The following ARPP21 variants were observed in gnomAD, a reference collection of about 807,000 sequenced individuals.
ARPP21 encodes the protein cAMP regulated phosphoprotein 21.
Under a neutral mutation model 113.2 loss-of-function variants are expected in ARPP21, and 69 were observed. The observed-to-expected ratio is 0.61, with a 90% CI of 0.50 to 0.74. The LOEUF is 0.74. Among genes scored for constraint, ARPP21 ranks in the 30% least tolerant of loss-of-function variants. ARPP21 has a pLI of 0.00. For synonymous variants in ARPP21, 368 were observed against 375.5 expected (o/e 0.98, Z 0.23); for missense variants, 1,070 against 1,037.4 (o/e 1.03, Z -0.43).
chr3:35,762,126 T>TCACACACACACA (rs371775285), intron 19 of ARPP21, among the ~76,000 whole-genome samples: 1,363 of 127,010 alleles, frequency 0.011, 35 homozygotes, highest in African/African-American at 0.034. Context: ...TCTCTCTCTC[T>TCACACACACACA]CACACACACA....
intron 1 of ARPP21, among the ~76,000 whole-genome samples, chr3:35,670,753 G>A (rs2076142307): frequency 6.6e-6 from 1 of 152,090 alleles, no homozygotes; most frequent in Non-Finnish European, 1.5e-5. Context: ...CGCAGATTCT[G>A]CTCCATCAAT....
intron 19 of ARPP21, among the ~76,000 whole-genome samples, chr3:35,758,555 G>A (rs1041731600): frequency 5.9e-5 from 9 of 151,644 alleles, no homozygotes; most frequent in Admixed American, 3.3e-4. Flanking sequence ...CAAAGGAGAC[G>A]GTTTCCTTAG....
Position 35,794,234 on chromosome 3 carries a change from A to G in ARPP21, c.*276A>G, listed in dbSNP as rs115981693. 1,746 of 443,270 alleles carry G rather than the reference A, an allele frequency of 3.9e-3. 9 individuals carry two copies. The highest frequency in any genetic ancestry group is 0.018 in the Middle Eastern group (30 of 1,656). 27.5% of individuals were successfully genotyped at this position (443,270 alleles called of 1,614,324 possible). A position where few individuals can be genotyped will look rare whatever the true frequency, so the allele number is the denominator to read the frequency against. On this transcript the variant is annotated 3_prime_UTR_variant, in exon 21 of 21. Coordinates refer to ENST00000684406, the MANE Select transcript of ARPP21 (RefSeq NM_001385562.1). ...CCTACCACTGAATACCACTGTGTAG[A>G]TTATAATATCCCTAATTTGGATTAG...
chr3:35,746,748 G>T (rs2095080938), intron 19 of ARPP21, among the ~76,000 whole-genome samples: 2 of 152,164 alleles, frequency 1.3e-5, no homozygotes, highest in Admixed American at 1.3e-4. Flanking sequence ...TCTTGGCGCT[G>T]TTCTTAATCT....
intron 19 of ARPP21, among the ~76,000 whole-genome samples, chr3:35,764,798 T>A (rs2095900923): frequency 3.9e-5 from 6 of 152,184 alleles, no homozygotes; most frequent in Admixed American, 2.6e-4. Context: ...GACACCACTT[T>A]TACTAAAAAA....
intron 18 of ARPP21, among the ~76,000 whole-genome samples, chr3:35,740,083 C>T (rs1220762037): frequency 6.6e-6 from 1 of 152,208 alleles, no homozygotes; most frequent in Non-Finnish European, 1.5e-5. Context: ...TATCCACAGT[C>T]CTTTTCTCTC....
chr3:35,692,332 T>C (rs1442174785), intron 9 of ARPP21, among the ~76,000 whole-genome samples: 2 of 151,736 alleles, frequency 1.3e-5, no homozygotes, highest in Non-Finnish European at 2.9e-5. Flanking sequence ...AGGTAACTTT[T>C]AGAATCCTTT....
At chr3:35,736,671 G>C (rs1418777892) in intron 15 of ARPP21, among the ~76,000 whole-genome samples, 1 of 152,164 alleles carries the variant, frequency 6.6e-6, no homozygotes, top group South Asian at 2.1e-4. Context: ...ATGTTCCATT[G>C]TATATTTATT....
rs951483064 is a variant in ARPP21 at position 35,683,935 on chromosome 3, C to T, written c.261+120C>T. The T allele has an allele frequency of 1.8e-5, 19 of 1,051,764 alleles. No individual in the cohort carries two copies. The African/African-American group carries it at 2.7e-4, about 15-fold the overall frequency. 65.2% of individuals were successfully genotyped at this position (1,051,764 alleles called of 1,614,324 possible). ...AAAAATATAATTGAAGAAAATAATT[C>T]ATTTTTTGGCTTTATCCCCTGCTTA... On this transcript the variant is annotated intron_variant, in intron 5 of 20. Transcript: ENST00000684406.
At chr3:35,757,533 C>G (rs1464405445) in intron 19 of ARPP21, among the ~76,000 whole-genome samples, 1 of 152,036 alleles carries the variant, frequency 6.6e-6, no homozygotes, top group East Asian at 1.9e-4. Flanking sequence ...TCCAGCCTAG[C>G]TGAAAATTGT....
intron 19 of ARPP21, among the ~76,000 whole-genome samples, chr3:35,746,336 G>T (rs894273094): frequency 6.6e-6 from 1 of 152,150 alleles, no homozygotes; most frequent in Non-Finnish European, 1.5e-5. Context: ...ACAGCTGGGC[G>T]TCCTTTTGTT....
At chr3:35,792,611 G>T (rs1433406145) in intron 20 of ARPP21, 81 bp downstream of exon 20, 2 of 1,371,422 alleles carry the variant, frequency 1.5e-6, no homozygotes, top group Non-Finnish European at 2.1e-6. Flanking sequence ...TCCCTGGTTT[G>T]GGTGGCTGGC....
intron 19 of ARPP21, among the ~76,000 whole-genome samples, chr3:35,777,356 T>G (rs2096402949): frequency 1.3e-5 from 2 of 152,304 alleles, no homozygotes; most frequent in South Asian, 2.1e-4. Context: ...TTGCTCCCAG[T>G]TAATAAGCAA....
chr3:35,652,330 T>C lies in ARPP21; in HGVS notation c.-213+11932T>C, dbSNP rs531533828. Among the ~76,000 whole-genome samples the C allele has an allele frequency of 5.9e-4, 90 of 152,220 alleles. 2 individuals carry two copies. The highest frequency in any genetic ancestry group is 2.5e-3 in the South Asian group (12 of 4,832). On this transcript the variant is annotated intron_variant, in intron 1 of 20. Coordinates refer to ENST00000684406, the MANE Select transcript of ARPP21 (RefSeq NM_001385562.1). Reference sequence around the variant, plus strand: ...CAGTAAACTTGTGACTTGTTCACTTTGCAGATAAAACCAATGGTTATATCC... The same window carrying C: ...CAGTAAACTTGTGACTTGTTCACTTCGCAGATAAAACCAATGGTTATATCC...
At chr3:35,762,354 ATAT>A (rs2095814727) in intron 19 of ARPP21, among the ~76,000 whole-genome samples, 2 of 152,068 alleles carry the variant, frequency 1.3e-5, no homozygotes, top group African/African-American at 4.8e-5. Context: ...AGAAGTGCTG[ATAT>A]TATTTCTGAG....
chr3:35,642,974 G>A (rs1413439240), intron 1 of ARPP21, among the ~76,000 whole-genome samples: 1 of 152,028 alleles, frequency 6.6e-6, no homozygotes, highest in African/African-American at 2.4e-5. Flanking sequence ...AGGCAGCACT[G>A]GTAACTTTTG....
chr3:35,695,273 T>C (rs1230708285), intron 9 of ARPP21, among the ~76,000 whole-genome samples: 1 of 151,554 alleles, frequency 6.6e-6, no homozygotes, highest in Non-Finnish European at 1.5e-5. Flanking sequence ...TTTCTGTAAA[T>C]TACCTGATAA....
intron 19 of ARPP21, among the ~76,000 whole-genome samples, chr3:35,746,983 C>T (rs376343740): frequency 2.0e-5 from 3 of 152,056 alleles, no homozygotes; most frequent in South Asian, 2.1e-4. Context: ...ACTCTTCATC[C>T]GATCAGCACA....
chr3:35,717,445 T>C lies in ARPP21; in HGVS notation c.995+88T>C, dbSNP rs112754498. On this transcript the variant is annotated intron_variant, in intron 13 of 20. Coordinates refer to ENST00000684406, the MANE Select transcript of ARPP21 (RefSeq NM_001385562.1). Reference sequence around the variant, plus strand: ...AATATTAGTGTACTCGTGTAAAATATATCTGTTCATTTAAAAAAGTCTGGT... The same window carrying C: ...AATATTAGTGTACTCGTGTAAAATACATCTGTTCATTTAAAAAAGTCTGGT... 6.1e-6 allele frequency: 5 copies of C among 823,964 alleles called. No homozygotes were observed. The African/African-American group carries it at 8.5e-5, about 14-fold the overall frequency. 51.0% of individuals were successfully genotyped at this position (823,964 alleles called of 1,614,324 possible).
Sources: gnomAD v4.1 joint callset for allele counts (sites outside exome capture counted in the v4.1 genomes callset) on GRCh38, gnomAD v4.1.1 for gene constraint, MANE v1.5 for transcripts, NCBI Gene and HGNC (gene_info 2026-07-23, HGNC 2026-07-21) for gene names.